Variants in ENDOU observed in about 807,000 individuals in gnomAD.
ENDOU encodes the protein uridylate-specific endoribonuclease.
A neutral mutation model predicts 54.2 loss-of-function variants in ENDOU; 49 were observed. The ratio of observed to expected loss-of-function variants is 0.90; its 90% confidence interval spans 0.72 to 1.15. The LOEUF (loss-of-function observed/expected upper bound fraction) is 1.15, where lower values mean the gene tolerates loss of function less well. ENDOU is among the 50% of genes most tolerant of loss of function. The pLI, the probability that ENDOU is intolerant of heterozygous loss-of-function variation, is 0.00. For missense variants in ENDOU, 458 were observed against 511.4 expected (o/e 0.90, Z 1.01); for synonymous variants, 172 against 190.5 (o/e 0.90, Z 0.80).
intron 1 of ENDOU, among the ~76,000 whole-genome samples, chr12:47,722,403 G>A (rs550758055): frequency 7.2e-5 from 11 of 152,264 alleles, no homozygotes; most frequent in Middle Eastern, 3.4e-3. Flanking sequence ...ACTTCTGTGC[G>A]TTGGTTTTCG....
intron 3 of ENDOU, 150 bp from the exon 4 acceptor site, chr12:47,717,805 C>T (rs536169255): frequency 1.3e-6 from 1 of 764,646 alleles, no homozygotes; most frequent in Non-Finnish European, 2.1e-6. Context: ...TCGTGCACAC[C>T]CTTCACAGTC....
chr12:47,720,675 T>C, intron 2 of ENDOU, 78 bp downstream of exon 2: 1 of 1,475,682 alleles, frequency 6.8e-7, no homozygotes, highest in Non-Finnish European at 9.1e-7. Context: ...TCCTGAACGC[T>C]GCTCTGGCCT....
At chr12:47,715,962 CGTGCTCTGG>C (rs1390560650) in intron 6 of ENDOU, among the ~76,000 whole-genome samples, 3 of 151,936 alleles carry the variant, frequency 2.0e-5, no homozygotes, top group Non-Finnish European at 4.4e-5. Flanking sequence ...GTGGCTGAGA[CGTGCTCTGG>C]GTGGGGGTGG....
In ENDOU at chr12:47,713,384, G is replaced by A. The variant is rs374934279; in HGVS notation, c.756C>T (p.Arg252=). The change falls in exon 7 of 10, where the codon CGC becomes CGT. Residue 252 remains arginine (R), a synonymous_variant. Transcript: ENST00000422538. ...ELYSFLHHQN[R]YGSEQEFVDD... ...CGACAAACTCTTGCTCTGAGCCATA[G>A]CGATCTGCAGAGGAACACAAAGGGT... The A allele has an allele frequency of 1.2e-6, 2 of 1,613,074 alleles. No homozygotes were observed. Among genetic ancestry groups the A allele is most frequent in the African/African-American group, 2.7e-5 (2 of 74,902 alleles).
chr12:47,709,888 G>C lies in ENDOU; in HGVS notation c.*914C>G. On this transcript the variant is annotated 3_prime_UTR_variant, in exon 10 of 10. Transcript: ENST00000422538. ...AGGGAACTACAGTCTCTCTGGTCTC[G>C]TAGAGTTATTCAAATTATGGCTGCT... 1 of 152,300 alleles carries C rather than the reference G, an allele frequency of 6.6e-6. No individual in the cohort carries two copies. Among genetic ancestry groups the C allele is most frequent in the South Asian group, 2.1e-4 (1 of 4,830 alleles). 9.4% of individuals were successfully genotyped at this position (152,300 alleles called of 1,614,324 possible). A position where few individuals can be genotyped will look rare whatever the true frequency, so the allele number is the denominator to read the frequency against.
Position 47,720,889 on chromosome 12 carries a change from AG to A in ENDOU, c.56-15del. 6.5e-7 allele frequency: 1 copy of A among 1,535,966 alleles called. No individual in the cohort carries two copies. The highest frequency in any genetic ancestry group is 1.2e-5 in the South Asian group (1 of 84,052). On this transcript the variant is annotated splice_polypyrimidine_tract_variant and intron_variant, in intron 1 of 9. Transcript: ENST00000422538. ...ATTCTATTTTTCCTATGGGCAGTAA[AG>A]GTCACCAACTCAGCTCTATGGAGAC...
At chr12:47,718,470 G>A (rs964771672) in intron 2 of ENDOU, among the ~76,000 whole-genome samples, 1 of 152,190 alleles carries the variant, frequency 6.6e-6, no homozygotes, top group African/African-American at 2.4e-5. Context: ...TGACTTCGGT[G>A]ATGAAAACTC....
At chr12:47,716,850 C>T in intron 5 of ENDOU, 40 bp downstream of exon 5, 1 of 1,606,090 alleles carries the variant, frequency 6.2e-7, no homozygotes, top group East Asian at 2.2e-5. Context: ...AGGATAGGGG[C>T]AAGATTTAGG....
intron 3 of ENDOU, 45 bp from the exon 4 acceptor site, chr12:47,717,700 C>T: frequency 1.9e-6 from 3 of 1,598,056 alleles, no homozygotes; most frequent in Non-Finnish European, 1.7e-6. Flanking sequence ...CTCTAGAGGT[C>T]GCTCTGAACG....
chr12:47,711,638 G>T lies in ENDOU; in HGVS notation c.1110C>A (p.Gly370=). 1 of 1,613,152 alleles carries T rather than the reference G, an allele frequency of 6.2e-7. No individual in the cohort carries two copies. The highest frequency in any genetic ancestry group is 8.5e-7 in the Non-Finnish European group (1 of 1,179,738). The part of the protein sequence containing the change: ...LYSLCFIARP[G]KVCQLSLGGY... ...CTGGCTGGCCCCATTCTTACACTTT[G>T]CCTGGCCTGGCGATGAAGCACAGGG... The change falls in exon 9 of 10, where the codon GGC becomes GGA. Residue 370 remains glycine, a synonymous_variant. Coordinates refer to ENST00000422538, the MANE Select transcript of ENDOU (RefSeq NM_001172439.2).
At position 47,716,288 on chromosome 12, in the gene ENDOU, G is replaced by A. The variant is rs745921020; in HGVS notation, c.751+12C>T. Reference sequence around the variant, plus strand: ...GACTCATGCGCTCTGGGGCCTGGGGGTGCTCACTCACTCTGGTGATGGAGG... The same window carrying A: ...GACTCATGCGCTCTGGGGCCTGGGGATGCTCACTCACTCTGGTGATGGAGG... On this transcript the variant is annotated intron_variant, in intron 6 of 9. Transcript: ENST00000422538. 2 of 1,613,418 alleles carry A rather than the reference G, an allele frequency of 1.2e-6. No individual in the cohort carries two copies. The highest frequency in any genetic ancestry group is 1.7e-6 in the Non-Finnish European group (2 of 1,179,538).
intron 6 of ENDOU, 124 bp downstream of exon 6, chr12:47,716,175 TG>T (rs1256298971): frequency 1.1e-6 from 1 of 923,780 alleles, no homozygotes; most frequent in Non-Finnish European, 1.7e-6. Context: ...CCCTCCCAGA[TG>T]TACACTGACC....
At chr12:47,721,840 G>C (rs927017896) in intron 1 of ENDOU, among the ~76,000 whole-genome samples, 3 of 152,158 alleles carry the variant, frequency 2.0e-5, no homozygotes, top group African/African-American at 7.2e-5. Flanking sequence ...TGGATTTCAC[G>C]AACGCTGGGT....
chr12:47,721,971 A>C (rs1440072368), intron 1 of ENDOU, among the ~76,000 whole-genome samples: 1 of 152,244 alleles, frequency 6.6e-6, no homozygotes, highest in Admixed American at 6.5e-5. Context: ...GGGGTTAGTT[A>C]GGTTAAGAAC....
rs1939927486 is a variant in ENDOU, at chr12:47,710,048, C to A, written c.*754G>T. The A allele has an allele frequency of 1.3e-5, 2 of 152,142 alleles. No individual in the cohort carries two copies. The highest frequency in any genetic ancestry group is 2.9e-5 in the Non-Finnish European group (2 of 68,040). The allele number at this position is 152,142 out of a possible 1,614,324, so 9.4% of individuals were successfully genotyped here. A position where few individuals can be genotyped will look rare whatever the true frequency, so the allele number is the denominator to read the frequency against. On this transcript the variant is annotated 3_prime_UTR_variant, in exon 10 of 10. Coordinates refer to ENST00000422538, the MANE Select transcript of ENDOU (RefSeq NM_001172439.2). ...ATCAAAATACAAGTCTGTGGCTGCA[C>A]TAAACATCCACAAGTGGGAAACTTC...
At chr12:47,718,399 A>C (rs753895202) in intron 2 of ENDOU, among the ~76,000 whole-genome samples, 1 of 152,234 alleles carries the variant, frequency 6.6e-6, no homozygotes. Context: ...AAGACACATT[A>C]TAGAAAACTT....
Position 47,710,779 on chromosome 12 carries a change from C to G in ENDOU, c.*23G>C, listed in dbSNP as rs749315737. 9 of 1,530,932 alleles carry G rather than the reference C, an allele frequency of 5.9e-6. No individual in the cohort carries two copies. In the Admixed American group the frequency reaches 1.3e-4, roughly 23 times the overall value. 94.8% of individuals were successfully genotyped at this position (1,530,932 alleles called of 1,614,324 possible). A position where few individuals can be genotyped will look rare whatever the true frequency, so the allele number is the denominator to read the frequency against. On this transcript the variant is annotated 3_prime_UTR_variant, in exon 10 of 10. Coordinates refer to ENST00000422538, the MANE Select transcript of ENDOU (RefSeq NM_001172439.2). ...CTTCAGTCTCGCAAGAGCCCTCATG[C>G]CCCTTTCTGGCTCGAAGTTCTATTA...
chr12:47,720,808 G>T lies in ENDOU; in HGVS notation c.123C>A (p.Asp41Glu), dbSNP rs1940407741. 1.3e-6 allele frequency: 2 copies of T among 1,536,024 alleles called. No homozygotes were observed. Among genetic ancestry groups the T allele is most frequent in the South Asian group, 1.2e-5 (1 of 84,068 alleles). ...AGTTCCCATGCCAGAGACACCGGCG[G>T]TCACACTGGCAGGCAGCGTCCCGGT... ...KFNRDAACQCDRRCLWHGNCC... is the reference protein window; with the variant it reads ...KFNRDAACQCERRCLWHGNCC... The change falls in exon 2 of 10, where the codon GAC (aspartate) becomes GAA (glutamate). Residue 41 changes from aspartate (D) to glutamate (E), a missense_variant. Transcript: ENST00000422538.
intron 1 of ENDOU, among the ~76,000 whole-genome samples, chr12:47,722,196 GTTAGAGC>G (rs1940453945): frequency 6.6e-6 from 1 of 152,096 alleles, no homozygotes; most frequent in South Asian, 2.1e-4. Context: ...CCTGGAGTGG[GTTAGAGC>G]TTAAATATTA....
Sources: allele counts gnomAD v4.1 joint callset (sites outside exome capture counted in the v4.1 genomes callset), GRCh38; gene constraint gnomAD v4.1.1; transcripts MANE v1.5; gene names NCBI Gene and HGNC (gene_info 2026-07-23, HGNC 2026-07-21).